MAF: variants seen among roughly 807,000 people sequenced by gnomAD.
MAF encodes the protein MAF bZIP transcription factor, also known as transcription factor Maf.
A neutral mutation model predicts 22.0 loss-of-function variants in MAF; 10 were observed. The observed-to-expected ratio is 0.45, with a 90% confidence interval of 0.28 to 0.77. The LOEUF (loss-of-function observed/expected upper bound fraction) is 0.77, where lower values mean the gene tolerates loss of function less well. Among genes scored for constraint, MAF ranks in the 30% least tolerant of loss-of-function variants. MAF has a pLI of 0.12. For missense variants in MAF, 544 were observed against 548.4 expected (o/e 0.99, Z 0.08); for synonymous variants, 337 against 255.8 (o/e 1.32, Z -3.03).
chr16:79,435,741 C>T, the MAF span, among the ~76,000 whole-genome samples: 3 of 152,200 alleles, frequency 2.0e-5, no homozygotes, highest in Non-Finnish European at 2.9e-5. Flanking sequence ...CCCCAGTTCA[C>T]GCCGAGATGT....
the MAF span, among the ~76,000 whole-genome samples, chr16:79,451,595 AC>A: frequency 6.6e-6 from 1 of 152,258 alleles, no homozygotes; most frequent in Non-Finnish European, 1.5e-5. Flanking sequence ...CAAATGAGTT[AC>A]ATGTTCAGGA....
the MAF span, among the ~76,000 whole-genome samples, chr16:79,404,077 G>A: frequency 2.0e-5 from 3 of 151,820 alleles, no homozygotes; most frequent in African/African-American, 7.3e-5. Flanking sequence ...TTTCCACCTT[G>A]ATCTGTTTCC....
At chr16:79,508,173 G>T in the MAF span, among the ~76,000 whole-genome samples, 4 of 152,264 alleles carry the variant, frequency 2.6e-5, no homozygotes, top group East Asian at 7.7e-4. Context: ...CACTGTGCAG[G>T]GGATAATTCT....
At chr16:79,321,053 C>T in the MAF span, among the ~76,000 whole-genome samples, 2 of 152,330 alleles carry the variant, frequency 1.3e-5, no homozygotes, top group East Asian at 3.9e-4. Context: ...CACTCACACA[C>T]TTGGTAGCCC....
the MAF span, among the ~76,000 whole-genome samples, chr16:79,488,813 G>A: frequency 2.1e-4 from 32 of 152,240 alleles, 1 homozygote; most frequent in East Asian, 6.0e-3. Context: ...AGCATATCAT[G>A]AGGACTAATA....
chr16:79,464,405 A>G, the MAF span, among the ~76,000 whole-genome samples: 1 of 152,266 alleles, frequency 6.6e-6, no homozygotes, highest in South Asian at 2.1e-4. Context: ...ATGTTGTCCA[A>G]GAATATATGA....
the MAF span, among the ~76,000 whole-genome samples, chr16:79,503,566 T>C: frequency 6.6e-6 from 1 of 152,226 alleles, no homozygotes. Flanking sequence ...CTTTTGATCA[T>C]TCTTTGTGGA....
chr16:79,253,995 G>A, the MAF span, among the ~76,000 whole-genome samples: 14 of 151,274 alleles, frequency 9.3e-5, no homozygotes, highest in East Asian at 2.7e-3. Context: ...TGTTGCTGGG[G>A]CATCTGTGAA....
At chr16:79,500,276 C>G in the MAF span, among the ~76,000 whole-genome samples, 3 of 152,194 alleles carry the variant, frequency 2.0e-5, no homozygotes, top group Non-Finnish European at 4.4e-5. Flanking sequence ...GAGAAAGGAA[C>G]AGTGAACAAT....
At chr16:79,324,988 C>G in the MAF span, among the ~76,000 whole-genome samples, 1 of 152,148 alleles carries the variant, frequency 6.6e-6, no homozygotes, top group South Asian at 2.1e-4. Flanking sequence ...GCTCCAATCT[C>G]TGCCTCCATC....
At chr16:79,512,010 C>G in the MAF span, among the ~76,000 whole-genome samples, 1 of 152,214 alleles carries the variant, frequency 6.6e-6, no homozygotes, top group Non-Finnish European at 1.5e-5. Flanking sequence ...TCTCTCTAAC[C>G]TGACACCCAG....
At chr16:79,243,544 T>C in the MAF span, among the ~76,000 whole-genome samples, 27 of 152,038 alleles carry the variant, frequency 1.8e-4, no homozygotes, top group Non-Finnish European at 2.8e-4. Context: ...AATAGACCAA[T>C]AACAAGTTCT....
At chr16:79,279,642 G>C in the MAF span, among the ~76,000 whole-genome samples, 1 of 152,174 alleles carries the variant, frequency 6.6e-6, no homozygotes, top group Non-Finnish European at 1.5e-5. Flanking sequence ...CTGTACTAAA[G>C]TGTGAACCCC....
At chr16:79,492,171 C>A in the MAF span, among the ~76,000 whole-genome samples, 1 of 152,160 alleles carries the variant, frequency 6.6e-6, no homozygotes, top group Non-Finnish European at 1.5e-5. Context: ...ACGGTCTGCT[C>A]AAGCCAAGAG....
the MAF span, among the ~76,000 whole-genome samples, chr16:79,500,447 C>T: frequency 6.6e-6 from 1 of 152,278 alleles, no homozygotes; most frequent in Non-Finnish European, 1.5e-5. Context: ...CCTCTGTCTG[C>T]AGAAGCGCAG....
chr16:79,335,453 A>T, the MAF span, among the ~76,000 whole-genome samples: 3 of 152,294 alleles, frequency 2.0e-5, no homozygotes, highest in African/African-American at 4.8e-5. Flanking sequence ...TATTCAATTC[A>T]ATTAAGCTTC....
the MAF span, among the ~76,000 whole-genome samples, chr16:79,501,466 C>G: frequency 6.6e-6 from 1 of 152,282 alleles, no homozygotes; most frequent in East Asian, 1.9e-4. Context: ...GGCAGTAGGT[C>G]TTGTCTGCCT....
chr16:79,220,255 CAA>C, the MAF span, among the ~76,000 whole-genome samples: 2 of 94,062 alleles, frequency 2.1e-5, no homozygotes, highest in Admixed American at 1.2e-4. Context: ...GACTCCATCT[CAA>C]AAAAAAAAAA....
chr16:79,215,386 T>G, the MAF span, among the ~76,000 whole-genome samples: 2 of 152,200 alleles, frequency 1.3e-5, no homozygotes, highest in African/African-American at 4.8e-5. Context: ...AATCTTAGGC[T>G]GATCAGAGAG....
Sources: allele counts gnomAD v4.1 joint callset (sites outside exome capture counted in the v4.1 genomes callset), GRCh38; gene constraint gnomAD v4.1.1; transcripts MANE v1.5; gene names NCBI Gene and HGNC (gene_info 2026-07-23, HGNC 2026-07-21).